The following RAD51B variants were observed in gnomAD, a reference collection of about 807,000 sequenced individuals.
The protein encoded by RAD51B is RAD51 paralog B.
Under a neutral mutation model 42.2 loss-of-function variants are expected in RAD51B, and 38 were observed. That is an observed-to-expected ratio of 0.90 (90% CI 0.70 to 1.18). RAD51B has a LOEUF of 1.18. Among genes scored for constraint, RAD51B ranks in the 50% most tolerant of loss-of-function variants. The pLI is 0.00. For missense variants in RAD51B, 373 were observed against 400.7 expected, an observed-to-expected ratio of 0.93 and a Z score of 0.59; for synonymous variants, 154 against 145.2, an observed-to-expected ratio of 1.06 and a Z score of -0.43.
At chr14:68,578,367 C>T (rs1014504902) in intron 10 of RAD51B, among the ~76,000 whole-genome samples, 1 of 152,138 alleles carries the variant, frequency 6.6e-6, no homozygotes, top group Non-Finnish European at 1.5e-5. Context: ...ACGGAGATTG[C>T]ACCATTGCAC....
At chr14:68,108,570 G>A (rs571816800) in intron 7 of RAD51B, among the ~76,000 whole-genome samples, 4 of 151,872 alleles carry the variant, frequency 2.6e-5, no homozygotes, top group Non-Finnish European at 5.9e-5. Flanking sequence ...AATTCATAGA[G>A]ACAGAAGAGA....
chr14:68,631,059 C>A (rs1031768864), intron 10 of RAD51B, among the ~76,000 whole-genome samples: 1 of 152,060 alleles, frequency 6.6e-6, no homozygotes. Flanking sequence ...TCATTAGGCA[C>A]GCTGAAAGTG....
At chr14:68,085,104 T>C (rs1026942930) in intron 7 of RAD51B, among the ~76,000 whole-genome samples, 3 of 152,200 alleles carry the variant, frequency 2.0e-5, no homozygotes, top group African/African-American at 7.2e-5. Flanking sequence ...TCTTTTGGAA[T>C]AGGAGCAGAT....
downstream of RAD51B, among the ~76,000 whole-genome samples, chr14:68,479,943 T>A (rs1162752453): frequency 6.6e-6 from 1 of 152,098 alleles, no homozygotes; most frequent in Non-Finnish European, 1.5e-5. Flanking sequence ...CAGCTCAGCC[T>A]CCTAAAGTTC....
intron 7 of RAD51B, among the ~76,000 whole-genome samples, chr14:68,225,568 C>T (rs1176133811): frequency 6.6e-6 from 1 of 152,136 alleles, no homozygotes; most frequent in Non-Finnish European, 1.5e-5. Context: ...GTATTTAGAA[C>T]CATACTTGGA....
chr14:68,254,782 A>G (rs1284514110), intron 7 of RAD51B, among the ~76,000 whole-genome samples: 2 of 152,220 alleles, frequency 1.3e-5, no homozygotes, highest in Non-Finnish European at 2.9e-5. Flanking sequence ...GGTTTCACCA[A>G]ATCACCAAAG....
rs547406972 is a variant in RAD51B, at chr14:67,957,562, G to A, written c.756+70358G>A. ...GACCAAAGAAATGAAGATGGCCAGA[G>A]GAAGTTTTAGAGAAATAAAACAGGT... is the stretch of plus-strand genomic sequence containing the variant. On this transcript the variant is annotated intron_variant, in intron 7 of 10. Coordinates refer to ENST00000471583, the MANE Select transcript of RAD51B (RefSeq NM_133510.4). Among the ~76,000 whole-genome samples, 8 of 152,224 alleles carry A rather than the reference G, an allele frequency of 5.3e-5. No homozygotes were observed. The South Asian group carries it at 1.7e-3, about 32-fold the overall frequency.
In RAD51B at chr14:68,228,781, G is replaced by A. The variant is rs188608380; in HGVS notation, c.757-63103G>A. Among the ~76,000 whole-genome samples, 5 of 152,254 alleles carry A rather than the reference G, an allele frequency of 3.3e-5. No homozygotes were observed. In the East Asian group the frequency reaches 5.8e-4, roughly 18 times the overall value. On this transcript the variant is annotated intron_variant, in intron 7 of 10. Coordinates refer to ENST00000471583, the MANE Select transcript of RAD51B (RefSeq NM_133510.4). ...GGCATTGACCCGCTGTGTGACTTAC[G>A]TCAAGCCACTATTTCTTGACTGGCC...
At chr14:68,343,660 G>A (rs1595731966) in intron 8 of RAD51B, among the ~76,000 whole-genome samples, 1 of 152,262 alleles carries the variant, frequency 6.6e-6, no homozygotes, top group East Asian at 1.9e-4. Context: ...AGGGAGCCAA[G>A]TGCTAATTTC....
At chr14:68,491,473 G>A (rs1884068213) in intron 10 of RAD51B, among the ~76,000 whole-genome samples, 1 of 152,184 alleles carries the variant, frequency 6.6e-6, no homozygotes, top group Non-Finnish European at 1.5e-5. Flanking sequence ...GTAACAACAT[G>A]TAATAAATAT....
At chr14:68,249,486 G>A (rs1199380918) in intron 7 of RAD51B, among the ~76,000 whole-genome samples, 1 of 151,972 alleles carries the variant, frequency 6.6e-6, no homozygotes, top group Non-Finnish European at 1.5e-5. Flanking sequence ...AACCACAATC[G>A]GATTTCATTA....
At chr14:68,456,660 A>G (rs900698002) in intron 9 of RAD51B, among the ~76,000 whole-genome samples, 2 of 152,152 alleles carry the variant, frequency 1.3e-5, no homozygotes, top group Non-Finnish European at 2.9e-5. Flanking sequence ...CCCACTTTCA[A>G]TAATGGATAG....
intron 7 of RAD51B, among the ~76,000 whole-genome samples, chr14:67,901,461 G>A (rs114873008): frequency 0.023 from 3,567 of 152,146 alleles, 79 homozygotes; most frequent in African/African-American, 0.054. Flanking sequence ...TTTCCACTCC[G>A]AAGACCCTCC....
chr14:68,335,353 C>G (rs1393023490), intron 8 of RAD51B, among the ~76,000 whole-genome samples: 2 of 150,576 alleles, frequency 1.3e-5, no homozygotes, highest in Non-Finnish European at 3.0e-5. Flanking sequence ...ATATTTTTCT[C>G]TGTACTTTTC....
intron 7 of RAD51B, among the ~76,000 whole-genome samples, chr14:68,062,191 C>G (rs1057365879): frequency 1.5e-4 from 23 of 152,082 alleles, no homozygotes; most frequent in African/African-American, 4.8e-5. Flanking sequence ...TATGAGGTGT[C>G]ATGTTTATTG....
At chr14:68,268,098 T>G (rs2081028891) in intron 7 of RAD51B, among the ~76,000 whole-genome samples, 1 of 152,210 alleles carries the variant, frequency 6.6e-6, no homozygotes, top group South Asian at 2.1e-4. Context: ...CATTTCTCCT[T>G]GAGCAGCAGG....
At chr14:68,503,199 G>T (rs1885042142) in intron 10 of RAD51B, among the ~76,000 whole-genome samples, 1 of 152,240 alleles carries the variant, frequency 6.6e-6, no homozygotes, top group South Asian at 2.1e-4. Context: ...GATTTGGAGG[G>T]AGGGTGGAGG....
intron 10 of RAD51B, among the ~76,000 whole-genome samples, chr14:68,521,375 T>C (rs1435451351): frequency 6.6e-6 from 1 of 152,208 alleles, no homozygotes; most frequent in Non-Finnish European, 1.5e-5. Flanking sequence ...ACTGGGGCTC[T>C]CAGAGTCTGA....
intron 7 of RAD51B, among the ~76,000 whole-genome samples, chr14:67,976,094 C>T (rs900823597): frequency 2.6e-4 from 38 of 144,240 alleles, no homozygotes; most frequent in South Asian, 2.4e-3. Flanking sequence ...TTTTTGTTTT[C>T]GCTTGATTTT....
Sources: allele counts gnomAD v4.1 joint callset (sites outside exome capture counted in the v4.1 genomes callset), GRCh38; gene constraint gnomAD v4.1.1; transcripts MANE v1.5; gene names NCBI Gene and HGNC (gene_info 2026-07-23, HGNC 2026-07-21).